Variants in NALF1 observed in about 807,000 individuals in gnomAD.
NALF1 encodes family with sequence similarity 155 member A.
A neutral mutation model predicts 48.4 loss-of-function variants in NALF1; 3 were observed. That is an observed-to-expected ratio of 0.06 (90% CI 0.03 to 0.16). The LOEUF (loss-of-function observed/expected upper bound fraction) is 0.16. Ranked by LOEUF, NALF1 falls within the 10% of genes least tolerant of loss-of-function variation. The pLI, the probability that NALF1 is intolerant of heterozygous loss-of-function variation, is 1.00. For missense variants in NALF1, 526 were observed against 571.5 expected (o/e 0.92, Z 0.81); for synonymous variants, 262 against 245.7 (o/e 1.07, Z -0.62).
intron 1 of NALF1, among the ~76,000 whole-genome samples, chr13:107,713,331 A>G (rs1163954191): frequency 6.6e-6 from 1 of 152,194 alleles, no homozygotes; most frequent in Non-Finnish European, 1.5e-5. Flanking sequence ...AATTCATTAC[A>G]CTTCCCCTCT....
At chr13:107,692,169 T>C (rs570373054) in intron 1 of NALF1, among the ~76,000 whole-genome samples, 25 of 152,328 alleles carry the variant, frequency 1.6e-4, no homozygotes, top group African/African-American at 5.0e-4. Context: ...AAATCATTAA[T>C]TGTTGATTTT....
At chr13:107,828,602 TCTATACACACACAC>T (rs1879600041) in intron 1 of NALF1, among the ~76,000 whole-genome samples, 5 of 43,332 alleles carry the variant, frequency 1.2e-4, no homozygotes, top group South Asian at 5.2e-4. Context: ...TATATCTATA[TCTATACACACACAC>T]ACACACACAC....
rs534764076 is a variant in NALF1, at chr13:107,566,901, T to C, written c.915+298781A>G. ...AGGCCAGCTGCCCAACACGGATATA[T>C]TAGTACATTTTGAGTCAATGTATTC... On this transcript the variant is annotated intron_variant, in intron 1 of 2. Coordinates refer to ENST00000375915, the MANE Select transcript of NALF1 (RefSeq NM_001080396.3). Among the ~76,000 whole-genome samples, 109 of 152,306 alleles carry C rather than the reference T, an allele frequency of 7.2e-4. 1 individual carries two copies. The highest frequency in any genetic ancestry group is 2.6e-3 in the African/African-American group (107 of 41,564).
At position 107,660,611 on chromosome 13, in the gene NALF1, A is replaced by C. The variant is rs147248317; in HGVS notation, c.915+205071T>G. Among the ~76,000 whole-genome samples, 3 of 152,322 alleles carry C rather than the reference A, an allele frequency of 2.0e-5. No individual in the cohort carries two copies. The South Asian group carries it at 6.2e-4, about 32-fold the overall frequency. On this transcript the variant is annotated intron_variant, in intron 1 of 2. Transcript: ENST00000375915. ...TGGCCATGATCTGAGAAAATTATCA[A>C]ATCTACAGTTAAAAAGCATGATTTT...
At chr13:107,398,993 C>G (rs1442360653) in intron 1 of NALF1, among the ~76,000 whole-genome samples, 2 of 152,176 alleles carry the variant, frequency 1.3e-5, no homozygotes, top group Non-Finnish European at 2.9e-5. Context: ...TGTTCATTCT[C>G]CGGCCTGATG....
chr13:107,777,099 C>T (rs9520581), intron 1 of NALF1, among the ~76,000 whole-genome samples: 12,342 of 152,086 alleles, frequency 0.081, 631 homozygotes, highest in East Asian at 0.17. Context: ...CTCAAACAAA[C>T]GAACGAACAA....
chr13:107,318,060 G>A (rs1432035962), intron 1 of NALF1, among the ~76,000 whole-genome samples: 2 of 152,032 alleles, frequency 1.3e-5, no homozygotes, highest in African/African-American at 4.8e-5. Context: ...TAAAAGGCAT[G>A]CAAATACGGT....
intron 1 of NALF1, among the ~76,000 whole-genome samples, chr13:107,336,673 A>T (rs1384267183): frequency 6.6e-6 from 1 of 152,158 alleles, no homozygotes; most frequent in East Asian, 1.9e-4. Flanking sequence ...AATTTCATGT[A>T]ACATAAAATT....
At chr13:107,638,819 C>T (rs921698901) in intron 1 of NALF1, among the ~76,000 whole-genome samples, 4 of 152,022 alleles carry the variant, frequency 2.6e-5, no homozygotes, top group African/African-American at 4.8e-5. Flanking sequence ...GAGATCCATT[C>T]GACTGAAGCA....
chr13:107,248,543 A>T (rs2138841796), intron 1 of NALF1, among the ~76,000 whole-genome samples: 1 of 149,396 alleles, frequency 6.7e-6, no homozygotes, highest in South Asian at 2.2e-4. Context: ...GTTAATAGCA[A>T]TTTTTTTCTT....
intron 1 of NALF1, among the ~76,000 whole-genome samples, chr13:107,499,178 C>T (rs144744497): frequency 2.4e-4 from 37 of 151,960 alleles, no homozygotes; most frequent in African/African-American, 8.4e-4. Context: ...AAAACACATA[C>T]CTATGATCAC....
intron 1 of NALF1, among the ~76,000 whole-genome samples, chr13:107,763,970 T>C (rs968126367): frequency 6.6e-6 from 1 of 152,158 alleles, no homozygotes; most frequent in African/African-American, 2.4e-5. Flanking sequence ...TCTTGATAAT[T>C]TGATCTACTT....
At chr13:107,612,159 G>A (rs1879248642) in intron 1 of NALF1, among the ~76,000 whole-genome samples, 1 of 132,042 alleles carries the variant, frequency 7.6e-6, no homozygotes, top group Non-Finnish European at 1.6e-5. Flanking sequence ...GGGTGGGAGG[G>A]AGAGAGGAAG....
chr13:107,245,834 A>G (rs889081164), intron 1 of NALF1, among the ~76,000 whole-genome samples: 12 of 152,126 alleles, frequency 7.9e-5, no homozygotes, highest in Admixed American at 2.0e-4. Flanking sequence ...ATGACTCCCA[A>G]ATTCCTACAT....
chr13:107,681,994 C>T (rs937528275), intron 1 of NALF1, among the ~76,000 whole-genome samples: 4 of 152,176 alleles, frequency 2.6e-5, no homozygotes, highest in African/African-American at 9.7e-5. Context: ...CCTACAACCA[C>T]AGTGCACCCA....
intron 1 of NALF1, among the ~76,000 whole-genome samples, chr13:107,399,435 A>G (rs1883766426): frequency 7.2e-6 from 1 of 139,376 alleles, no homozygotes; most frequent in African/African-American, 2.7e-5. Context: ...ATCTGAAAAT[A>G]AAGCACACAC....
chr13:107,592,313 T>C (rs990371760), intron 1 of NALF1, among the ~76,000 whole-genome samples: 7 of 151,918 alleles, frequency 4.6e-5, no homozygotes, highest in Admixed American at 1.3e-4. Context: ...CATTAATCTG[T>C]GGAAAACTTA....
chr13:107,633,188 A>T (rs1879879577), intron 1 of NALF1, among the ~76,000 whole-genome samples: 2 of 152,166 alleles, frequency 1.3e-5, no homozygotes, highest in South Asian at 4.1e-4. Context: ...AGAAAATTTT[A>T]GGAGTTAGTG....
At chr13:107,844,329 T>G (rs1880116771) in intron 1 of NALF1, among the ~76,000 whole-genome samples, 1 of 152,110 alleles carries the variant, frequency 6.6e-6, no homozygotes, top group African/African-American at 2.4e-5. Flanking sequence ...AAATTTAAAC[T>G]GAAAAGCTGT....
Sources: allele counts gnomAD v4.1 joint callset (sites outside exome capture counted in the v4.1 genomes callset), GRCh38; gene constraint gnomAD v4.1.1; transcripts MANE v1.5; gene names NCBI Gene and HGNC (gene_info 2026-07-23, HGNC 2026-07-21).